EXTL3: variants seen among roughly 807,000 people sequenced by gnomAD.
EXTL3 encodes the protein exostosin-like 3.
EXTL3 carries 27 observed loss-of-function variants against 69.3 expected under a neutral mutation model. The ratio of observed to expected loss-of-function variants is 0.39; its 90% CI spans 0.29 to 0.54. EXTL3 has a LOEUF of 0.54. Among genes scored for constraint, EXTL3 ranks in the 20% least tolerant of loss-of-function variants. The pLI is 0.69. For missense variants in EXTL3, 1,003 were observed against 1,231.8 expected (o/e 0.81, Z 2.78); for synonymous variants, 511 against 499.4 (o/e 1.02, Z -0.31).
chr8:28,704,409 A>G (rs1800876307), intron 1 of EXTL3, among the ~76,000 whole-genome samples: 1 of 152,222 alleles, frequency 6.6e-6, no homozygotes, highest in African/African-American at 2.4e-5. Flanking sequence ...AACTTTATCT[A>G]CAAAAGCAGG....
At chr8:28,747,071 G>A (rs182681809) in intron 6 of EXTL3, among the ~76,000 whole-genome samples, 1 of 152,290 alleles carries the variant, frequency 6.6e-6, no homozygotes, top group East Asian at 1.9e-4. Flanking sequence ...TGTGTCACAT[G>A]GAATAATGTG....
chr8:28,672,518 T>C (rs1293156114), intron 1 of EXTL3, among the ~76,000 whole-genome samples: 2 of 152,122 alleles, frequency 1.3e-5, no homozygotes, highest in African/African-American at 2.4e-5. Context: ...GGTGTAGCAA[T>C]TGTACTCTTG....
intron 4 of EXTL3, among the ~76,000 whole-genome samples, chr8:28,734,564 T>C (rs559080724): frequency 9.2e-5 from 14 of 152,108 alleles, no homozygotes; most frequent in Non-Finnish European, 1.9e-4. Context: ...ATATAAAAAT[T>C]AGCGGGGCGT....
intron 3 of EXTL3, among the ~76,000 whole-genome samples, chr8:28,719,609 C>G (rs1475723882): frequency 1.3e-5 from 2 of 152,058 alleles, no homozygotes; most frequent in African/African-American, 4.8e-5. Flanking sequence ...GGTTATAAAT[C>G]CTTTTTATCC....
chr8:28,724,928 G>T (rs973146369), intron 3 of EXTL3, among the ~76,000 whole-genome samples: 4 of 152,120 alleles, frequency 2.6e-5, no homozygotes. Flanking sequence ...TCCTGAGCTG[G>T]GTGGGCATGA....
At chr8:28,733,078 A>G (rs1444704013) in intron 4 of EXTL3, among the ~76,000 whole-genome samples, 1 of 152,058 alleles carries the variant, frequency 6.6e-6, no homozygotes, top group Non-Finnish European at 1.5e-5. Context: ...TATTTGGGTC[A>G]TTTCTATTTC....
intron 1 of EXTL3, among the ~76,000 whole-genome samples, chr8:28,654,894 A>G (rs1197933908): frequency 6.6e-6 from 1 of 152,194 alleles, no homozygotes; most frequent in Non-Finnish European, 1.5e-5. Context: ...ACTGCCTAAC[A>G]AGGCAAACAG....
At chr8:28,612,881 G>A (rs1308243350) in intron 2 of EXTL3, among the ~76,000 whole-genome samples, 1 of 152,094 alleles carries the variant, frequency 6.6e-6, no homozygotes, top group African/African-American at 2.4e-5. Context: ...ACCATGCCTG[G>A]CTAATTTTTA....
intron 1 of EXTL3, among the ~76,000 whole-genome samples, chr8:28,660,684 C>T (rs1439860318): frequency 6.6e-6 from 1 of 151,956 alleles, no homozygotes; most frequent in East Asian, 1.9e-4. Flanking sequence ...AACTCTGTAC[C>T]CACTAAATAC....
chr8:28,634,225 A>G (rs1806617268), intron 1 of EXTL3, among the ~76,000 whole-genome samples: 1 of 152,134 alleles, frequency 6.6e-6, no homozygotes, highest in African/African-American at 2.4e-5. Context: ...ATTCTCATCT[A>G]AGCTAAATCA....
intron 1 of EXTL3, among the ~76,000 whole-genome samples, chr8:28,686,168 T>C (rs1351069049): frequency 2.0e-5 from 3 of 152,132 alleles, no homozygotes; most frequent in African/African-American, 7.2e-5. Context: ...GCCTGGCCTA[T>C]GTTTGCGTAT....
rs568686450 is a variant in EXTL3, at chr8:28,725,059, G to C, written c.2149-6164G>C. Among the ~76,000 whole-genome samples, 21 of 152,224 alleles carry C rather than the reference G, an allele frequency of 1.4e-4. 3 individuals are homozygous for C. The South Asian group carries it at 3.5e-3, about 26-fold the overall frequency. On this transcript the variant is annotated intron_variant, in intron 3 of 6. Transcript: ENST00000220562. The stretch of plus-strand genomic sequence containing the variant: ...TCAGTTGCTGTTTCCTTTCTTGCCT[G>C]TGTGATGGCTTGATGTTAAGTTTCA...
At chr8:28,735,509 A>C (rs1010963226) in intron 4 of EXTL3, among the ~76,000 whole-genome samples, 3 of 152,178 alleles carry the variant, frequency 2.0e-5, no homozygotes, top group African/African-American at 7.2e-5. Context: ...CTTAACTGTC[A>C]TTCATGTTTG....
chr8:28,700,990 A>AG (rs1469820018), upstream of EXTL3: 1 of 152,296 alleles, frequency 6.6e-6, no homozygotes, highest in Non-Finnish European at 1.5e-5. Context: ...GCAAAGCCCC[A>AG]GGATTTTCCT....
intron 1 of EXTL3, among the ~76,000 whole-genome samples, chr8:28,711,742 C>G (rs114865261): frequency 0.012 from 1,886 of 152,062 alleles, 42 homozygotes; most frequent in African/African-American, 0.042. Context: ...ATGTTGAGAG[C>G]CATGGGGAAC....
intron 3 of EXTL3, among the ~76,000 whole-genome samples, chr8:28,728,832 C>T (rs929029208): frequency 1.3e-5 from 2 of 151,988 alleles, no homozygotes; most frequent in African/African-American, 2.4e-5. Context: ...CTCTAGGCTG[C>T]AGTGAGCTAT....
chr8:28,634,994 C>T (rs1297233843), intron 1 of EXTL3, among the ~76,000 whole-genome samples: 1 of 151,990 alleles, frequency 6.6e-6, no homozygotes, highest in Non-Finnish European at 1.5e-5. Context: ...TTAGCGATGA[C>T]GTTGTAAACT....
At chr8:28,681,984 G>A (rs960945439) in intron 1 of EXTL3, among the ~76,000 whole-genome samples, 7 of 152,100 alleles carry the variant, frequency 4.6e-5, no homozygotes, top group South Asian at 2.1e-4. Context: ...GCTTGAACCC[G>A]GGAGGTGGAG....
chr8:28,697,032 G>GA (rs1339957201), upstream of EXTL3: 1 of 152,134 alleles, frequency 6.6e-6, no homozygotes, highest in Non-Finnish European at 1.5e-5. Context: ...ATGTGTAACT[G>GA]AATTGATGGT....
Sources: gnomAD v4.1 joint callset for allele counts (sites outside exome capture counted in the v4.1 genomes callset) on GRCh38, gnomAD v4.1.1 for gene constraint, MANE v1.5 for transcripts, NCBI Gene and HGNC (gene_info 2026-07-23, HGNC 2026-07-21) for gene names.